FBXW7: variants seen among roughly 807,000 people sequenced by gnomAD.
The protein encoded by FBXW7 is F-box and WD repeat domain containing 7, also known as F-box/WD repeat-containing protein 7.
FBXW7 carries 11 observed loss-of-function variants against 86.3 expected under a neutral mutation model. The observed-to-expected ratio is 0.13, with a 90% CI of 0.08 to 0.21. The LOEUF is 0.21. FBXW7 is among the 10% of genes least tolerant of loss of function. FBXW7 has a pLI of 1.00. For missense variants in FBXW7, 488 were observed against 847.4 expected, an observed-to-expected ratio of 0.58 and a Z score of 5.27; for synonymous variants, 313 against 297.9, an observed-to-expected ratio of 1.05 and a Z score of -0.52.
chr4:152,492,975 T>G (rs1447828836), intron 2 of FBXW7, among the ~76,000 whole-genome samples: 1 of 151,460 alleles, frequency 6.6e-6, no homozygotes, highest in African/African-American at 2.4e-5. Flanking sequence ...TAAATGGAAA[T>G]CAAAGTGGTA....
chr4:152,505,150 T>C (rs1747294980), intron 2 of FBXW7, among the ~76,000 whole-genome samples: 1 of 152,144 alleles, frequency 6.6e-6, no homozygotes, highest in South Asian at 2.1e-4. Context: ...CACATCTAAA[T>C]ATATAAAAGG....
intron 2 of FBXW7, among the ~76,000 whole-genome samples, chr4:152,414,392 A>G (rs1738245633): frequency 6.6e-6 from 1 of 152,094 alleles, no homozygotes; most frequent in Non-Finnish European, 1.5e-5. Context: ...TGCAACAAGA[A>G]GGCAGAGCAT....
chr4:152,357,568 G>A (rs969322761), intron 4 of FBXW7, among the ~76,000 whole-genome samples: 8 of 152,024 alleles, frequency 5.3e-5, no homozygotes, highest in East Asian at 1.9e-4. Flanking sequence ...TAATCCGCCC[G>A]CCTCAGCCTC....
chr4:152,407,316 G>C (rs543075864), intron 4 of FBXW7, among the ~76,000 whole-genome samples: 15 of 152,304 alleles, frequency 9.8e-5, no homozygotes, highest in African/African-American at 3.6e-4. Context: ...CACAAAGGTA[G>C]GGGACATGGC....
intron 5 of FBXW7, chr4:152,348,815 T>G (rs908193412): frequency 4.6e-6 from 2 of 431,148 alleles, no homozygotes; most frequent in Admixed American, 3.8e-5. Context: ...ATGAAGTGAA[T>G]AGTTTCACTT....
chr4:152,490,875 G>A (rs1157216651), intron 2 of FBXW7, among the ~76,000 whole-genome samples: 1 of 151,956 alleles, frequency 6.6e-6, no homozygotes, highest in African/African-American at 2.4e-5. Context: ...ACAGCAAGCA[G>A]TACAAAAAAT....
intron 2 of FBXW7, among the ~76,000 whole-genome samples, chr4:152,507,738 A>G (rs1193079944): frequency 6.6e-6 from 1 of 152,126 alleles, no homozygotes; most frequent in African/African-American, 2.4e-5. Flanking sequence ...AGAGACTAGA[A>G]CATTTTGCGC....
At chr4:152,419,540 G>A (rs1185249257) in intron 2 of FBXW7, among the ~76,000 whole-genome samples, 4 of 48,314 alleles carry the variant, frequency 8.3e-5, no homozygotes, top group Non-Finnish European at 1.1e-4. Flanking sequence ...CACACACAGA[G>A]TGGCAAAGTC....
intron 2 of FBXW7, among the ~76,000 whole-genome samples, chr4:152,532,162 G>T (rs1750077312): frequency 6.6e-6 from 1 of 152,026 alleles, no homozygotes; most frequent in Admixed American, 6.6e-5. Flanking sequence ...TTGCTGTTTT[G>T]AAACTGCACC....
At chr4:152,338,029 T>C (rs2126587924) in intron 6 of FBXW7, 93 bp from the exon 7 acceptor site, 1 of 1,326,546 alleles carries the variant, frequency 7.5e-7, no homozygotes, top group South Asian at 1.5e-5. Context: ...ACAACCATAG[T>C]TGATCAGGGT....
chr4:152,516,989 C>G (rs1256269156), intron 2 of FBXW7, among the ~76,000 whole-genome samples: 1 of 152,206 alleles, frequency 6.6e-6, no homozygotes, highest in African/African-American at 2.4e-5. Context: ...CTACACCCAG[C>G]TAATTTTTGT....
chr4:152,432,481 T>C (rs533017118), intron 2 of FBXW7, among the ~76,000 whole-genome samples: 2 of 152,260 alleles, frequency 1.3e-5, no homozygotes, highest in East Asian at 1.9e-4. Flanking sequence ...GAAAAACATA[T>C]ATATCTATAT....
At chr4:152,360,094 TCTC>T (rs1395245293) in intron 4 of FBXW7, among the ~76,000 whole-genome samples, 2 of 152,204 alleles carry the variant, frequency 1.3e-5, no homozygotes, top group African/African-American at 4.8e-5. Flanking sequence ...AACAATTATT[TCTC>T]CTAACTGAAA....
intron 2 of FBXW7, among the ~76,000 whole-genome samples, chr4:152,465,492 T>C (rs1008415890): frequency 2.0e-5 from 3 of 152,134 alleles, no homozygotes; most frequent in African/African-American, 7.2e-5. Flanking sequence ...TCCTTTTCCA[T>C]TGCTAAATTT....
At chr4:152,384,525 G>C (rs1735365474) in intron 4 of FBXW7, among the ~76,000 whole-genome samples, 1 of 151,968 alleles carries the variant, frequency 6.6e-6, no homozygotes, top group African/African-American at 2.4e-5. Context: ...CAGGGAGAGG[G>C]GGAAATGAGA....
intron 2 of FBXW7, among the ~76,000 whole-genome samples, chr4:152,447,641 A>G (rs551034286): frequency 1.7e-4 from 26 of 152,354 alleles, no homozygotes; most frequent in Admixed American, 1.2e-3. Flanking sequence ...ATCCTTAAAC[A>G]CTACTTTAAA....
chr4:152,494,686 G>C (rs1163075448), intron 2 of FBXW7, among the ~76,000 whole-genome samples: 1 of 152,152 alleles, frequency 6.6e-6, no homozygotes, highest in African/African-American at 2.4e-5. Flanking sequence ...TAAAATGTTT[G>C]AGAATTATTG....
chr4:152,503,798 C>A (rs1184825347), intron 2 of FBXW7, among the ~76,000 whole-genome samples: 1 of 152,156 alleles, frequency 6.6e-6, no homozygotes, highest in Admixed American at 6.5e-5. Context: ...TGATGTTTCT[C>A]CTATTCCTTT....
chr4:152,329,227 T>A (rs574940031), intron 10 of FBXW7, among the ~76,000 whole-genome samples: 62 of 152,096 alleles, frequency 4.1e-4, no homozygotes, highest in African/African-American at 1.4e-3. Context: ...GAGATAAGTA[T>A]AAATTAACAT....
Sources: gnomAD v4.1 joint callset for allele counts (sites outside exome capture counted in the v4.1 genomes callset) on GRCh38, gnomAD v4.1.1 for gene constraint, MANE v1.5 for transcripts, NCBI Gene and HGNC (gene_info 2026-07-23, HGNC 2026-07-21) for gene names.